Variants in NFKBID observed in about 807,000 individuals in gnomAD.
The protein encoded by NFKBID is NFKB inhibitor delta.
Under a neutral mutation model 53.4 loss-of-function variants are expected in NFKBID, and 26 were observed. The ratio of observed to expected loss-of-function variants is 0.49; its 90% CI spans 0.36 to 0.68. The LOEUF (loss-of-function observed/expected upper bound fraction) is 0.68. NFKBID is among the 30% of genes least tolerant of loss of function. The pLI is 0.00. For missense variants in NFKBID, 493 were observed against 614.1 expected (o/e 0.80, Z 2.08); for synonymous variants, 262 against 259.8 (o/e 1.01, Z -0.08).
At chr19:35,890,464 C>T (rs1240647299) in exon 10 of NFKBID, 30 of 1,613,864 alleles carry the variant, frequency 1.9e-5, no homozygotes, top group Non-Finnish European at 2.5e-5. Context: ...CGGCCAAGTG[C>T]AGAACTGTCT....
intron 11 of NFKBID, 48 bp from the exon 12 acceptor site, chr19:35,888,660 G>T (rs1056489427): frequency 1.4e-6 from 2 of 1,480,192 alleles, no homozygotes; most frequent in South Asian, 2.4e-5. Flanking sequence ...GTTGGAAGGA[G>T]AGGTGGGGAA....
At chr19:35,890,622 G>A (rs918990005) in intron 9 of NFKBID, 132 bp from the exon 10 acceptor site, 4 of 758,840 alleles carry the variant, frequency 5.3e-6, no homozygotes, top group Non-Finnish European at 9.6e-6. Flanking sequence ...CTAGCACTTT[G>A]GGAAGCTGAA....
intron 11 of NFKBID, among the ~76,000 whole-genome samples, chr19:35,888,891 C>T (rs578040422): frequency 6.6e-6 from 1 of 152,064 alleles, no homozygotes; most frequent in Non-Finnish European, 1.5e-5. Context: ...ACCAGAGATA[C>T]AAAAATTAGC....
chr19:35,894,775 C>G (rs1414811517), intron 9 of NFKBID, among the ~76,000 whole-genome samples: 1 of 151,970 alleles, frequency 6.6e-6, no homozygotes, highest in Non-Finnish European at 1.5e-5. Flanking sequence ...AGGAAGATCA[C>G]CTGAGGTCGG....
chr19:35,894,556 C>T (rs1313948003), intron 9 of NFKBID, among the ~76,000 whole-genome samples: 3 of 151,178 alleles, frequency 2.0e-5, no homozygotes, highest in Non-Finnish European at 3.0e-5. Flanking sequence ...AAAGTTGCCA[C>T]GCATGGTGGT....
Position 35,896,214 on chromosome 19 carries a change from T to C in NFKBID, c.883+4A>G. On this transcript the variant is annotated splice_donor_region_variant and intron_variant, in intron 8 of 11. Coordinates refer to ENST00000641389, the Ensembl canonical transcript of NFKBID. This position sits in a 1 kb window ranked among gnomAD's most constrained non-coding sequence, Gnocchi z 5.7. ...CACACCAGCCCTGCCCACACCCAAC[T>C]TACCCTCGAAGTCTCTGGCTTCCAG... 6.2e-7 allele frequency: 1 copy of C among 1,614,110 alleles called. No individual in the cohort carries two copies. Among genetic ancestry groups the C allele is most frequent in the Non-Finnish European group, 8.5e-7 (1 of 1,179,992 alleles).
intron 10 of NFKBID, 146 bp from the exon 11 acceptor site, chr19:35,890,200 T>A: frequency 1.1e-6 from 1 of 914,510 alleles, no homozygotes; most frequent in Non-Finnish European, 1.7e-6. Flanking sequence ...GCTGCATGCA[T>A]CCCTGTGTCC....
At chr19:35,891,307 T>C (rs1204952332) in intron 9 of NFKBID, among the ~76,000 whole-genome samples, 2 of 152,200 alleles carry the variant, frequency 1.3e-5, no homozygotes, top group Non-Finnish European at 2.9e-5. Context: ...ATAATGAATG[T>C]TAAACATTTT....
chr19:35,888,687 G>A, intron 11 of NFKBID, 75 bp from the exon 12 acceptor site: 1 of 1,104,756 alleles, frequency 9.1e-7, no homozygotes, highest in African/African-American at 1.6e-5. Flanking sequence ...CCATGCAGAG[G>A]GAGGGGCTAG....
intron 3 of NFKBID, among the ~76,000 whole-genome samples, chr19:35,898,060 G>C (rs1252720957): frequency 6.6e-6 from 1 of 152,076 alleles, no homozygotes; most frequent in Non-Finnish European, 1.5e-5. Context: ...CTGGGCCCTG[G>C]GGCTCCGTAG....
chr19:35,902,079 C>T (rs1241987991), upstream of NFKBID: 11 of 679,578 alleles, frequency 1.6e-5, no homozygotes, highest in Non-Finnish European at 2.7e-5. Context: ...AGCCTTATCC[C>T]CTGAACTCCT....
chr19:35,901,801 T>TC (rs1207500620), upstream of NFKBID: 2 of 225,372 alleles, frequency 8.9e-6, no homozygotes, highest in Non-Finnish European at 1.8e-5. Flanking sequence ...TCTCAGGTGA[T>TC]CCCCCCACCT....
At chr19:35,893,551 T>A (rs1818891666) in intron 9 of NFKBID, among the ~76,000 whole-genome samples, 1 of 152,194 alleles carries the variant, frequency 6.6e-6, no homozygotes, top group Non-Finnish European at 1.5e-5. Context: ...CCACGCACAG[T>A]GGCTCACGCC....
chr19:35,889,916 G>C, exon 11 of NFKBID: 1 of 1,610,608 alleles, frequency 6.2e-7, no homozygotes, highest in Middle Eastern at 1.7e-4. Flanking sequence ...CCGGGCCGCA[G>C]CAGGTGAACG....
In NFKBID at chr19:35,896,362, G is replaced by C; in HGVS notation, c.831+30C>G. 6.2e-7 allele frequency: 1 copy of C among 1,614,068 alleles called. No individual in the cohort carries two copies. The highest frequency in any genetic ancestry group is 8.5e-7 in the Non-Finnish European group (1 of 1,179,982). ...ATCTGGGCAACCAGTCTACCCCCCA[G>C]ACAAACCCCTGCCTGCCAGCTGGCC... On this transcript the variant is annotated intron_variant, in intron 7 of 11. Transcript: ENST00000641389. This position sits in a 1 kb window ranked among gnomAD's most constrained non-coding sequence, Gnocchi z 5.7.
chr19:35,897,793 G>T, exon 4 of NFKBID: 1 of 1,600,594 alleles, frequency 6.2e-7, no homozygotes. Context: ...GTCCCAGTCT[G>T]GAAAGCCCAG....
chr19:35,897,863 G>T lies in NFKBID; in HGVS notation c.227-7C>A. On this transcript the variant is annotated splice_region_variant and splice_polypyrimidine_tract_variant and intron_variant, in intron 3 of 11. Coordinates refer to ENST00000641389, the Ensembl canonical transcript of NFKBID. The stretch of plus-strand genomic sequence containing the variant: ...GCTGGGAAGGGAGGGTGGCCTGCGT[G>T]TAAGAGGAGGGGCAGGGGCAGGTCT... The T allele has an allele frequency of 6.5e-7, 1 of 1,536,468 alleles. No individual in the cohort carries two copies. Among genetic ancestry groups the T allele is most frequent in the African/African-American group, 1.4e-5 (1 of 73,186 alleles).
chr19:35,889,822 G>A, intron 11 of NFKBID, 68 bp downstream of exon 11: 1 of 1,466,944 alleles, frequency 6.8e-7, no homozygotes, highest in South Asian at 1.3e-5. Flanking sequence ...CATTGGGTGG[G>A]GCAGGGAGGT....
At chr19:35,899,809 C>A (rs1233822790) in intron 1 of NFKBID, 2 of 152,426 alleles carry the variant, frequency 1.3e-5, no homozygotes, top group Non-Finnish European at 2.9e-5. Flanking sequence ...GGCGCGCTGA[C>A]GCCACGGCGC....
Sources: allele counts gnomAD v4.1 joint callset (sites outside exome capture counted in the v4.1 genomes callset), GRCh38; gene constraint gnomAD v4.1.1; non-coding constraint Gnocchi (gnomAD v3.1); transcripts MANE v1.5; gene names NCBI Gene and HGNC (gene_info 2026-07-23, HGNC 2026-07-21).